The following KAZN variants were observed in gnomAD, a reference collection of about 807,000 sequenced individuals.
KAZN encodes kazrin, periplakin interacting protein.
KAZN carries 40 observed loss-of-function variants against 87.4 expected under a neutral mutation model. That is an observed-to-expected ratio of 0.46 (90% confidence interval 0.36 to 0.60). The LOEUF (loss-of-function observed/expected upper bound fraction) is 0.60. KAZN is among the 20% of genes least tolerant of loss of function. The pLI, the probability that KAZN is intolerant of heterozygous loss-of-function variation, is 0.00. For missense variants in KAZN, 898 were observed against 1,073.9 expected (o/e 0.84, Z 2.29); for synonymous variants, 466 against 458.3 (o/e 1.02, Z -0.22).
At chr1:15,078,857 AT>A (rs1639873955) in intron 8 of KAZN, among the ~76,000 whole-genome samples, 1 of 152,168 alleles carries the variant, frequency 6.6e-6, no homozygotes, top group Non-Finnish European at 1.5e-5. Context: ...AGTTGCAAGA[AT>A]TCCCCCCACC....
intron 2 of KAZN, among the ~76,000 whole-genome samples, chr1:14,217,447 T>C (rs2100481535): frequency 6.6e-6 from 1 of 151,586 alleles, no homozygotes; most frequent in South Asian, 2.1e-4. Flanking sequence ...TCACATGATG[T>C]GGAAAAATAC....
At chr1:14,140,308 G>A (rs985666853) in intron 1 of KAZN, among the ~76,000 whole-genome samples, 1 of 152,030 alleles carries the variant, frequency 6.6e-6, no homozygotes, top group Admixed American at 6.6e-5. Flanking sequence ...TAAGACACAT[G>A]GCTATGAGGA....
At chr1:14,980,964 C>T (rs1436464722) in intron 2 of KAZN, among the ~76,000 whole-genome samples, 8 of 152,146 alleles carry the variant, frequency 5.3e-5, no homozygotes, top group East Asian at 1.9e-4. Flanking sequence ...CCTGACAAGG[C>T]GGCGTAACCA....
In KAZN at chr1:14,443,567, C is replaced by T. The variant is rs80055269; in HGVS notation, c.250-155416C>T. Among the ~76,000 whole-genome samples the T allele has an allele frequency of 7.5e-3, 1,149 of 152,344 alleles. 22 individuals are homozygous for T. The highest frequency in any genetic ancestry group is 0.026 in the African/African-American group (1,075 of 41,576). On this transcript the variant is annotated intron_variant, in intron 2 of 16. Coordinates refer to the KAZN transcript ENST00000636203. ...TGGAGGCCCCTGGCCTTCCTGCCCA[C>T]TCTCCAGGGCTCTGATGGGGTACAA...
At chr1:14,748,046 T>C (rs1362852592) in intron 1 of KAZN, among the ~76,000 whole-genome samples, 1 of 152,216 alleles carries the variant, frequency 6.6e-6, no homozygotes, top group Non-Finnish European at 1.5e-5. Context: ...GACCCAGGGA[T>C]CACCTTTGAG....
chr1:14,652,884 C>T (rs1301331657), intron 1 of KAZN, among the ~76,000 whole-genome samples: 1 of 143,794 alleles, frequency 7.0e-6, no homozygotes, highest in East Asian at 2.1e-4. Flanking sequence ...TTGGTTGTCA[C>T]AGCTGGGAGA....
At chr1:13,907,515 T>G in intron 1 of KAZN, among the ~76,000 whole-genome samples, 11 of 129,942 alleles carry the variant, frequency 8.5e-5, no homozygotes, top group South Asian at 5.5e-4. Context: ...GTGTGTTGGG[T>G]GGGTGGGAAT....
intron 1 of KAZN, among the ~76,000 whole-genome samples, chr1:14,106,781 T>C (rs1644383328): frequency 6.6e-6 from 1 of 152,202 alleles, no homozygotes; most frequent in Admixed American, 6.5e-5. Context: ...TTTGAGATAG[T>C]GAGTTTCCCC....
intron 4 of KAZN, among the ~76,000 whole-genome samples, chr1:15,051,130 T>C (rs572069741): frequency 6.6e-6 from 1 of 152,346 alleles, no homozygotes; most frequent in East Asian, 1.9e-4. Flanking sequence ...TGCCTCGGGA[T>C]CCTCCCAGTC....
intron 1 of KAZN, among the ~76,000 whole-genome samples, chr1:14,745,955 G>A (rs1394542066): frequency 6.6e-6 from 1 of 152,156 alleles, no homozygotes; most frequent in African/African-American, 2.4e-5. Context: ...GGGTAAATTG[G>A]TGGTCTCTTG....
At chr1:14,171,998 A>ATT (rs35700845) in intron 1 of KAZN, among the ~76,000 whole-genome samples, 98,210 of 151,916 alleles carry the variant, frequency 0.65, 33,463 homozygotes, top group African/African-American at 0.87. Flanking sequence ...TGAATGTACC[A>ATT]CTTATCTGTA....
At chr1:15,016,641 C>T (rs1670138449) in intron 2 of KAZN, among the ~76,000 whole-genome samples, 1 of 152,140 alleles carries the variant, frequency 6.6e-6, no homozygotes, top group Non-Finnish European at 1.5e-5. Flanking sequence ...ACGGAAGCCA[C>T]AGGAAACTGA....
intron 2 of KAZN, among the ~76,000 whole-genome samples, chr1:14,994,889 C>G (rs965027771): frequency 1.4e-4 from 21 of 152,228 alleles, no homozygotes; most frequent in Non-Finnish European, 2.8e-4. Flanking sequence ...GCCCCCCAGC[C>G]CTGAAGTGAC....
chr1:14,234,281 A>T (rs974075898), intron 2 of KAZN, among the ~76,000 whole-genome samples: 2 of 152,174 alleles, frequency 1.3e-5, no homozygotes, highest in African/African-American at 2.4e-5. Context: ...GGAAACCATC[A>T]TTCTCAGCAA....
At chr1:14,416,278 T>C (rs966476767) in intron 2 of KAZN, among the ~76,000 whole-genome samples, 1 of 152,204 alleles carries the variant, frequency 6.6e-6, no homozygotes, top group Non-Finnish European at 1.5e-5. Flanking sequence ...ATTCTAGACA[T>C]GTCTACAGAA....
At chr1:14,374,740 C>T (rs930528899) in intron 2 of KAZN, among the ~76,000 whole-genome samples, 3 of 152,078 alleles carry the variant, frequency 2.0e-5, no homozygotes, top group Admixed American at 6.5e-5. Context: ...GACTGCCCCT[C>T]GAGTGTAGTT....
At chr1:14,727,795 T>A (rs2100338338) in intron 1 of KAZN, among the ~76,000 whole-genome samples, 1 of 151,912 alleles carries the variant, frequency 6.6e-6, no homozygotes, top group East Asian at 2.0e-4. Flanking sequence ...TGCATCGTAA[T>A]ATGTAATGAA....
intron 8 of KAZN, among the ~76,000 whole-genome samples, chr1:15,092,918 T>C (rs1024438453): frequency 1.5e-5 from 2 of 137,580 alleles, no homozygotes; most frequent in Non-Finnish European, 3.0e-5. Context: ...TGTTGGTGGA[T>C]GAACTTTTTT....
At chr1:14,415,287 A>C (rs755000737) in intron 2 of KAZN, among the ~76,000 whole-genome samples, 2 of 152,152 alleles carry the variant, frequency 1.3e-5, no homozygotes, top group Non-Finnish European at 2.9e-5. Context: ...ATTAATCCGG[A>C]CAATATGTAG....
Sources: allele counts gnomAD v4.1 joint callset (sites outside exome capture counted in the v4.1 genomes callset), GRCh38; gene constraint gnomAD v4.1.1; transcripts MANE v1.5; gene names NCBI Gene and HGNC (gene_info 2026-07-23, HGNC 2026-07-21).